PRKG1: variants seen among roughly 807,000 people sequenced by gnomAD.
PRKG1 encodes the protein cGMP-dependent protein kinase 1.
A neutral mutation model predicts 88.1 loss-of-function variants in PRKG1; 35 were observed. The observed-to-expected ratio is 0.40, with a 90% CI of 0.30 to 0.53. PRKG1 has a LOEUF of 0.53. Ranked by LOEUF, PRKG1 falls within the 20% of genes least tolerant of loss-of-function variation. The pLI is 0.59. For missense variants in PRKG1, 540 were observed against 839.8 expected (o/e 0.64, Z 4.41); for synonymous variants, 303 against 292.5 (o/e 1.04, Z -0.37).
At chr10:51,994,893 G>A (rs1243580946) in intron 5 of PRKG1, among the ~76,000 whole-genome samples, 3 of 152,110 alleles carry the variant, frequency 2.0e-5, no homozygotes, top group African/African-American at 7.2e-5. Context: ...AACACTGCAA[G>A]CTAAAGGGAA....
At chr10:51,600,595 A>T (rs1156254243) in intron 3 of PRKG1, among the ~76,000 whole-genome samples, 1 of 152,168 alleles carries the variant, frequency 6.6e-6, no homozygotes, top group Non-Finnish European at 1.5e-5. Context: ...CTCACCCAAT[A>T]TATCCCAAAT....
At chr10:52,184,472 A>G (rs1177063530) in intron 9 of PRKG1, among the ~76,000 whole-genome samples, 3 of 152,220 alleles carry the variant, frequency 2.0e-5, no homozygotes, top group Non-Finnish European at 4.4e-5. Flanking sequence ...ACATTTCTAA[A>G]TTAATCTATT....
At position 52,267,132 on chromosome 10, in the gene PRKG1, G is replaced by T. The variant is rs79516207; in HGVS notation, c.1174-4218G>T. 7.3e-3 allele frequency among the ~76,000 whole-genome samples: 1,110 copies of T among 152,012 alleles called. 12 individuals carry two copies. The highest frequency in any genetic ancestry group is 0.026 in the African/African-American group (1,060 of 41,492). ...ATTTAGACAACAGGAAAAATAAAAAGCAAACTAAATGTCACCTTACAATTC... is the reference window on the plus strand; with the variant it reads ...ATTTAGACAACAGGAAAAATAAAAATCAAACTAAATGTCACCTTACAATTC... On this transcript the variant is annotated intron_variant, in intron 10 of 17. Transcript: ENST00000373980.
At chr10:51,986,650 T>C (rs1844164639) in intron 5 of PRKG1, among the ~76,000 whole-genome samples, 1 of 152,184 alleles carries the variant, frequency 6.6e-6, no homozygotes, top group South Asian at 2.1e-4. Context: ...CTATGGTCTC[T>C]AGACTTGTGT....
chr10:52,012,766 G>T (rs1844925437), intron 5 of PRKG1, among the ~76,000 whole-genome samples: 1 of 152,166 alleles, frequency 6.6e-6, no homozygotes, highest in South Asian at 2.1e-4. Flanking sequence ...TATTATTATT[G>T]ATAGTTAATT....
At chr10:52,129,403 A>G (rs1283884067) in intron 7 of PRKG1, among the ~76,000 whole-genome samples, 2 of 152,218 alleles carry the variant, frequency 1.3e-5, no homozygotes, top group Admixed American at 1.3e-4. Flanking sequence ...TTCTCTCTTT[A>G]GAAGTTAGAA....
intron 2 of PRKG1, among the ~76,000 whole-genome samples, chr10:51,390,901 C>T (rs904680098): frequency 6.6e-6 from 1 of 152,132 alleles, no homozygotes; most frequent in African/African-American, 2.4e-5. Flanking sequence ...GAAATCACTC[C>T]ACAACAAAAA....
At chr10:52,264,144 C>A (rs1008486857) in intron 10 of PRKG1, among the ~76,000 whole-genome samples, 2 of 150,816 alleles carry the variant, frequency 1.3e-5, no homozygotes, top group Admixed American at 1.3e-4. Flanking sequence ...AACGTAGAAT[C>A]TAAGGCCAGT....
chr10:51,916,019 T>C (rs1418944861), intron 5 of PRKG1, among the ~76,000 whole-genome samples: 3 of 152,166 alleles, frequency 2.0e-5, no homozygotes, highest in Admixed American at 1.3e-4. Context: ...TGGAAAATGG[T>C]GTGCCTTCTT....
chr10:51,273,931 A>C (rs771491310), intron 2 of PRKG1, among the ~76,000 whole-genome samples: 7 of 152,212 alleles, frequency 4.6e-5, no homozygotes, highest in Non-Finnish European at 8.8e-5. Flanking sequence ...ATCTACGTTA[A>C]ATCCCAGATC....
intron 2 of PRKG1, among the ~76,000 whole-genome samples, chr10:51,400,698 G>A (rs1279981984): frequency 2.6e-5 from 4 of 152,150 alleles, no homozygotes; most frequent in Admixed American, 6.5e-5. Flanking sequence ...CGGCACAAAT[G>A]TTTTCCCTTT....
chr10:51,352,204 T>A (rs564836796), intron 2 of PRKG1, among the ~76,000 whole-genome samples: 1 of 152,312 alleles, frequency 6.6e-6, no homozygotes, highest in African/African-American at 2.4e-5. Flanking sequence ...GTCTTTTTGC[T>A]TAGGATTGTC....
chr10:51,085,324 T>C (rs541432946), intron 1 of PRKG1, among the ~76,000 whole-genome samples: 3 of 152,272 alleles, frequency 2.0e-5, no homozygotes, highest in African/African-American at 7.2e-5. Context: ...TTTGACAGAG[T>C]GTCACCATAT....
At chr10:51,192,735 G>A (rs1353746275) in intron 2 of PRKG1, among the ~76,000 whole-genome samples, 3 of 151,954 alleles carry the variant, frequency 2.0e-5, no homozygotes, top group Non-Finnish European at 1.5e-5. Context: ...ATATGATAAA[G>A]AGAAGTAAAA....
chr10:51,919,036 T>A (rs1842405265), intron 5 of PRKG1, among the ~76,000 whole-genome samples: 1 of 152,130 alleles, frequency 6.6e-6, no homozygotes, highest in African/African-American at 2.4e-5. Context: ...AGCTTGTTTG[T>A]GCTAGGGAGA....
At chr10:51,822,448 T>C (rs59533985) in intron 4 of PRKG1, among the ~76,000 whole-genome samples, 31,714 of 151,746 alleles carry the variant, frequency 0.21, 5,299 homozygotes, top group African/African-American at 0.47. Flanking sequence ...ATTGAACAAA[T>C]GGCGCTAAAT....
At chr10:51,227,283 G>T (rs914410629) in intron 2 of PRKG1, among the ~76,000 whole-genome samples, 3 of 151,840 alleles carry the variant, frequency 2.0e-5, no homozygotes, top group Admixed American at 6.6e-5. Flanking sequence ...CACATCAAAA[G>T]AGAAAATAGT....
intron 2 of PRKG1, among the ~76,000 whole-genome samples, chr10:51,272,408 T>A (rs182236071): frequency 2.2e-4 from 33 of 152,082 alleles, no homozygotes; most frequent in African/African-American, 7.7e-4. Context: ...CTAATGTAGA[T>A]GATGGGTTGA....
Position 51,088,426 on chromosome 10 carries a change from A to C in PRKG1, c.311+13525A>C, listed in dbSNP as rs1844310206. ...TTTTTTTTGGTTCAATCATTTACCA[A>C]ATATTTGTTAAGGAACTAATATAGG... On this transcript the variant is annotated intron_variant, in intron 1 of 17. Coordinates refer to ENST00000373980, the MANE Select transcript of PRKG1 (RefSeq NM_006258.4). Among the ~76,000 whole-genome samples the C allele has an allele frequency of 2.0e-5, 3 of 151,240 alleles. No homozygotes were observed. The South Asian group carries it at 6.3e-4, about 32-fold the overall frequency.
Sources: allele counts gnomAD v4.1 joint callset (sites outside exome capture counted in the v4.1 genomes callset), GRCh38; gene constraint gnomAD v4.1.1; transcripts MANE v1.5; gene names NCBI Gene and HGNC (gene_info 2026-07-23, HGNC 2026-07-21).